The following SPAG16 variants were observed in gnomAD, a reference collection of about 807,000 sequenced individuals.
The protein encoded by SPAG16 is sperm-associated antigen 16 protein.
A neutral mutation model predicts 80.4 loss-of-function variants in SPAG16; 86 were observed. The observed-to-expected ratio is 1.07, with a 90% CI of 0.90 to 1.28. The LOEUF is 1.28. SPAG16 is among the 50% of genes most tolerant of loss of function. The pLI, the probability that SPAG16 is intolerant of heterozygous loss-of-function variation, is 0.00. For missense variants in SPAG16, 870 were observed against 765.3 expected, an observed-to-expected ratio of 1.14 and a Z score of -1.61; for synonymous variants, 294 against 265.9, an observed-to-expected ratio of 1.11 and a Z score of -1.03.
rs548895237 is a variant in SPAG16 at position 213,293,903 on chromosome 2, AG to A, written c.137-2160del. On this transcript the variant is annotated intron_variant, in intron 1 of 15. Transcript: ENST00000331683. ...GCTAATTAACCTATTTACCTCATAT[AG>A]TTACCTTTTCACTTTTATATTACTT... 5.4e-4 allele frequency among the ~76,000 whole-genome samples: 83 copies of A among 152,334 alleles called. 3 individuals carry two copies. In the South Asian group the frequency reaches 6.2e-3, roughly 11 times the overall value.
chr2:214,047,211 G>A (rs541940552), intron 13 of SPAG16, among the ~76,000 whole-genome samples: 1 of 152,132 alleles, frequency 6.6e-6, no homozygotes, highest in African/African-American at 2.4e-5. Context: ...AACCACAAAA[G>A]ACCTAGAATA....
At chr2:213,930,959 G>A (rs1404632491) in intron 12 of SPAG16, among the ~76,000 whole-genome samples, 3 of 152,150 alleles carry the variant, frequency 2.0e-5, no homozygotes, top group African/African-American at 7.2e-5. Context: ...CCTCTCCTCG[G>A]AGGACTGAGG....
intron 10 of SPAG16, among the ~76,000 whole-genome samples, chr2:213,855,193 C>T (rs2075094026): frequency 6.6e-6 from 1 of 152,178 alleles, no homozygotes. Flanking sequence ...ACAAAAAAGA[C>T]CAGTTCTTTA....
At chr2:214,008,010 T>C (rs898952233) in intron 12 of SPAG16, among the ~76,000 whole-genome samples, 13 of 152,158 alleles carry the variant, frequency 8.5e-5, no homozygotes, top group Admixed American at 3.9e-4. Context: ...ATTATACTTA[T>C]GTTAGACCTT....
At chr2:213,464,084 G>A (rs754266225) in intron 9 of SPAG16, among the ~76,000 whole-genome samples, 11 of 152,280 alleles carry the variant, frequency 7.2e-5, no homozygotes, top group Middle Eastern at 3.4e-3. Context: ...ATTTGTTTCC[G>A]TTCCTGCAGG....
intron 10 of SPAG16, among the ~76,000 whole-genome samples, chr2:213,534,946 TAAAAG>T (rs950215883): frequency 1.3e-5 from 2 of 152,004 alleles, no homozygotes; most frequent in African/African-American, 4.8e-5. Flanking sequence ...CTGGTGTTCT[TAAAAG>T]AAGAGTAGAT....
intron 10 of SPAG16, among the ~76,000 whole-genome samples, chr2:213,611,411 T>C (rs1423091920): frequency 6.6e-6 from 1 of 152,200 alleles, no homozygotes; most frequent in Non-Finnish European, 1.5e-5. Context: ...ATGAATACCA[T>C]ACTATTTGAA....
In SPAG16 at chr2:214,276,706, C is replaced by T. The variant is rs1042928622; in HGVS notation, c.1720+127440C>T. Among the ~76,000 whole-genome samples, 3 of 152,334 alleles carry T rather than the reference C, an allele frequency of 2.0e-5. No individual in the cohort carries two copies. In the East Asian group the frequency reaches 5.8e-4, roughly 29 times the overall value. On this transcript the variant is annotated intron_variant, in intron 15 of 15. Coordinates refer to ENST00000331683, the MANE Select transcript of SPAG16 (RefSeq NM_024532.5). ...CCTTTGTGGGTAACCTGACCTTTCT[C>T]TCTGGCTGCCCTTAACATTTTTTCC...
chr2:213,844,099 T>G (rs2074494053), intron 10 of SPAG16, among the ~76,000 whole-genome samples: 1 of 152,212 alleles, frequency 6.6e-6, no homozygotes, highest in Non-Finnish European at 1.5e-5. Flanking sequence ...ATTGTCCTCA[T>G]GTCTTCAGAT....
At chr2:213,902,815 A>T (rs1373312196) in intron 11 of SPAG16, among the ~76,000 whole-genome samples, 2 of 152,200 alleles carry the variant, frequency 1.3e-5, no homozygotes, top group African/African-American at 4.8e-5. Flanking sequence ...TGAGCCTGTA[A>T]AATCAAAAGC....
chr2:213,632,040 G>C (rs1031323374), intron 10 of SPAG16, among the ~76,000 whole-genome samples: 1 of 151,996 alleles, frequency 6.6e-6, no homozygotes, highest in South Asian at 2.1e-4. Flanking sequence ...TATTTTCGTA[G>C]GGATTGCATT....
At chr2:214,180,670 G>T (rs899339512) in intron 15 of SPAG16, among the ~76,000 whole-genome samples, 67 of 151,556 alleles carry the variant, frequency 4.4e-4, no homozygotes, top group African/African-American at 1.5e-3. Context: ...TAAGAAAAAG[G>T]ATGTATACTT....
intron 10 of SPAG16, among the ~76,000 whole-genome samples, chr2:213,696,446 G>A (rs2065157231): frequency 6.6e-6 from 1 of 151,956 alleles, no homozygotes; most frequent in South Asian, 2.1e-4. Context: ...GATAATCTAG[G>A]GAGAAATCAG....
At chr2:213,464,110 CTTACATGGTTAATCAAATCAAAGG>C (rs1575655275) in intron 9 of SPAG16, among the ~76,000 whole-genome samples, 1 of 152,148 alleles carries the variant, frequency 6.6e-6, no homozygotes, top group African/African-American at 2.4e-5. Context: ...GGCCAAAGAA[CTTACATGGTTAATCAAATCAAAGG>C]TTACATGGTT....
chr2:213,777,726 AG>A (rs1167878723), intron 10 of SPAG16, among the ~76,000 whole-genome samples: 1 of 151,958 alleles, frequency 6.6e-6, no homozygotes, highest in African/African-American at 2.4e-5. Flanking sequence ...TAGGAGAGAT[AG>A]GGTTTCACCG....
chr2:213,824,198 G>A (rs1474798473), intron 10 of SPAG16, among the ~76,000 whole-genome samples: 1 of 152,090 alleles, frequency 6.6e-6, no homozygotes, highest in Non-Finnish European at 1.5e-5. Flanking sequence ...GTTTTTGTCA[G>A]GTTTGTTGAA....
chr2:213,318,177 G>T (rs1289515978), intron 5 of SPAG16, among the ~76,000 whole-genome samples: 1 of 151,930 alleles, frequency 6.6e-6, no homozygotes, highest in Admixed American at 6.6e-5. Flanking sequence ...TATCTACTCA[G>T]TTGTATAAAA....
intron 10 of SPAG16, among the ~76,000 whole-genome samples, chr2:213,692,295 A>G (rs1055048674): frequency 6.6e-6 from 1 of 152,206 alleles, no homozygotes. Flanking sequence ...TACCTTTTTT[A>G]AGTGATTACA....
At chr2:213,306,077 T>C (rs2062926294) in intron 3 of SPAG16, among the ~76,000 whole-genome samples, 1 of 152,142 alleles carries the variant, frequency 6.6e-6, no homozygotes, top group Admixed American at 6.5e-5. Flanking sequence ...AGGTTGTATG[T>C]GTCCAGGAAT....
Sources: allele counts gnomAD v4.1 joint callset (sites outside exome capture counted in the v4.1 genomes callset), GRCh38; gene constraint gnomAD v4.1.1; transcripts MANE v1.5; gene names NCBI Gene and HGNC (gene_info 2026-07-23, HGNC 2026-07-21).